SLC10A1: variants seen among roughly 807,000 people sequenced by gnomAD.
SLC10A1 encodes solute carrier family 10 member 1.
Under a neutral mutation model 20.5 loss-of-function variants are expected in SLC10A1, and 36 were observed. The observed-to-expected ratio is 1.75, with a 90% CI of 1.34 to 2.32. SLC10A1 has a LOEUF of 2.32. Ranked by LOEUF, SLC10A1 falls within the 30% of genes most tolerant of loss-of-function variation. The probability of loss-of-function intolerance (pLI) is 0.00; values close to 1 mark genes in which losing one functional copy is unlikely to be tolerated. For synonymous variants in SLC10A1, 188 were observed against 163.6 expected (o/e 1.15, Z -1.14); for missense variants, 545 against 439.1 (o/e 1.24, Z -2.16).
At position 69,775,487 on chromosome 14, in the gene SLC10A1, T is replaced by C. The variant is rs1229103432; in HGVS notation, c.*795A>G. The C allele has an allele frequency of 6.6e-6, 1 of 152,256 alleles. No individual in the cohort carries two copies. Among genetic ancestry groups the C allele is most frequent in the Non-Finnish European group, 1.5e-5 (1 of 68,042 alleles). The allele number at this position is 152,256 out of a possible 1,614,324, so 9.4% of individuals were successfully genotyped here. On this transcript the variant is annotated 3_prime_UTR_variant, in exon 5 of 5. Transcript: ENST00000216540. ...TGAATTCTAGGTATTTGAACATTTT[T>C]CTTTGAATTGGGAAACGACTCATTT... is the stretch of plus-strand genomic sequence containing the variant.
At chr14:69,788,093 C>T (rs575804257) in intron 1 of SLC10A1, among the ~76,000 whole-genome samples, 2 of 151,920 alleles carry the variant, frequency 1.3e-5, no homozygotes, top group South Asian at 4.2e-4. Flanking sequence ...GCTGAAGCTT[C>T]ATAGAGGGGT....
chr14:69,787,279 A>G (rs757102773), intron 1 of SLC10A1, among the ~76,000 whole-genome samples: 2 of 152,200 alleles, frequency 1.3e-5, no homozygotes, highest in Non-Finnish European at 2.9e-5. Context: ...GGAATCTTAT[A>G]TATGTTAGTC....
chr14:69,784,547 A>C (rs1184061040), intron 2 of SLC10A1, among the ~76,000 whole-genome samples: 1 of 151,994 alleles, frequency 6.6e-6, no homozygotes, highest in Non-Finnish European at 1.5e-5. Context: ...GAGGGGGACT[A>C]CTCCTAAAAC....
chr14:69,781,814 G>A (rs1198678511), intron 2 of SLC10A1, among the ~76,000 whole-genome samples: 1 of 152,192 alleles, frequency 6.6e-6, no homozygotes, highest in Non-Finnish European at 1.5e-5. Flanking sequence ...TTTAAAATGA[G>A]CATGCCTGAA....
intron 1 of SLC10A1, among the ~76,000 whole-genome samples, chr14:69,786,915 G>A (rs1457109662): frequency 6.6e-6 from 1 of 152,222 alleles, no homozygotes; most frequent in African/African-American, 2.4e-5. Flanking sequence ...TGGGAGTGAT[G>A]CTCAGGCAGA....
At position 69,775,988 on chromosome 14, in the gene SLC10A1, C is replaced by T. The variant is rs958266862; in HGVS notation, c.*294G>A. ...AATTGAGTGACTTTAAGATGCTTAT[C>T]AGACACTTTTAGAGATCCCAGCAAG... On this transcript the variant is annotated 3_prime_UTR_variant, in exon 5 of 5. Transcript: ENST00000216540. 2 of 356,328 alleles carry T rather than the reference C, an allele frequency of 5.6e-6. No individual in the cohort carries two copies. Among genetic ancestry groups the T allele is most frequent in the Non-Finnish European group, 5.1e-6 (1 of 195,794 alleles). The allele number at this position is 356,328 out of a possible 1,614,324, so 22.1% of individuals were successfully genotyped here.
rs1028009431 is a variant in SLC10A1, at chr14:69,778,621, A to G, written c.747-92T>C. The stretch of plus-strand genomic sequence containing the variant: ...CTGCTACCAAAGAGTTTCGCAGCAG[A>G]TGGAATCTAGACCCTGGACAGGGGT... On this transcript the variant is annotated intron_variant, in intron 3 of 4. Transcript: ENST00000216540. 12 of 1,118,898 alleles carry G rather than the reference A, an allele frequency of 1.1e-5. No homozygotes were observed. The African/African-American group carries it at 1.7e-4, about 16-fold the overall frequency. The allele number at this position is 1,118,898 out of a possible 1,614,324, so 69.3% of individuals were successfully genotyped here. A position where few individuals can be genotyped will look rare whatever the true frequency, so the allele number is the denominator to read the frequency against.
In SLC10A1 at chr14:69,786,142, G is replaced by C; in HGVS notation, c.522C>G (p.Ile174Met). Residue 174 changes from isoleucine (I) to methionine (M), a missense_variant, in exon 2 of 5, where the codon ATC becomes ATG. Ile to Met is a conservative substitution (Grantham distance 10). Transcript: ENST00000216540. ...VLVLIPCTIG[I>M]VLKSKRPQYM... Reference sequence around the variant, plus strand: ...ATTGTGGCCGTTTGGATTTGAGGACGATCCCTATGGTGCAAGGAATGAGAA... The same window carrying C: ...ATTGTGGCCGTTTGGATTTGAGGACCATCCCTATGGTGCAAGGAATGAGAA... The C allele has an allele frequency of 6.2e-7, 1 of 1,614,078 alleles. No individual in the cohort carries two copies. The highest frequency in any genetic ancestry group is 8.5e-7 in the Non-Finnish European group (1 of 1,180,022).
At chr14:69,795,517 A>G (rs923267425) in intron 1 of SLC10A1, among the ~76,000 whole-genome samples, 1 of 150,316 alleles carries the variant, frequency 6.7e-6, no homozygotes, top group Non-Finnish European at 1.5e-5. Context: ...AGATCCTCTC[A>G]TCTCAGCCTC....
Position 69,796,882 on chromosome 14 carries a change from C to G in SLC10A1, c.274G>C (p.Ala92Pro). The G allele has an allele frequency of 6.2e-7, 1 of 1,614,222 alleles. No homozygotes were observed. Among genetic ancestry groups the G allele is most frequent in the East Asian group, 2.2e-5 (1 of 44,882 alleles). Residue 92 changes from alanine (A) to proline (P), a missense_variant, in exon 1 of 5, where the codon GCC becomes CCC. Transcript: ENST00000216540. Reference protein sequence around the residue: ...VFRLKNIEALAILVCGCSPGG... With the variant: ...VFRLKNIEALPILVCGCSPGG... ...GGTGAGCAGCCACAGACCAAGATGG[C>G]CAGTGCCTCAATGTTCTTCAGCCGG...
intron 4 of SLC10A1, among the ~76,000 whole-genome samples, chr14:69,777,605 TAAA>T (rs58118049): frequency 0.038 from 3,428 of 89,058 alleles, 223 homozygotes; most frequent in South Asian, 0.056. Flanking sequence ...TTTTTTTTTT[TAAA>T]ATTGGTGTTA....
chr14:69,776,023 C>T lies in SLC10A1; in HGVS notation c.*259G>A, dbSNP rs142791477. 2.6e-4 allele frequency: 116 copies of T among 442,546 alleles called. No individual in the cohort carries two copies. Among genetic ancestry groups the T allele is most frequent in the African/African-American group, 1.8e-3 (89 of 49,798 alleles). The allele number at this position is 442,546 out of a possible 1,614,324, so 27.4% of individuals were successfully genotyped here. A position where few individuals can be genotyped will look rare whatever the true frequency, so the allele number is the denominator to read the frequency against. ...TAGAGATCCCAGCAAGAGGCAGATT[C>T]GGTTTCTGGTTTCATAGAGTTTACA... On this transcript the variant is annotated 3_prime_UTR_variant, in exon 5 of 5. Transcript: ENST00000216540.
intron 4 of SLC10A1, among the ~76,000 whole-genome samples, chr14:69,777,895 C>T (rs1185005767): frequency 6.7e-6 from 1 of 148,964 alleles, no homozygotes; most frequent in African/African-American, 2.5e-5. Context: ...ATATGTTTTT[C>T]CTCATACGGA....
At chr14:69,785,784 T>A (rs1056143520) in intron 2 of SLC10A1, among the ~76,000 whole-genome samples, 50 of 150,714 alleles carry the variant, frequency 3.3e-4, no homozygotes, top group Middle Eastern at 3.4e-3. Context: ...TTTTTTTGTA[T>A]TTTTAATGGA....
At chr14:69,791,786 C>T (rs1232482902) in intron 1 of SLC10A1, among the ~76,000 whole-genome samples, 1 of 152,170 alleles carries the variant, frequency 6.6e-6, no homozygotes, top group Non-Finnish European at 1.5e-5. Context: ...GAAAAATTCA[C>T]TCAACGTGGC....
Position 69,776,173 on chromosome 14 carries a change from T to TG in SLC10A1, c.*108dup, listed in dbSNP as rs1883440999. On this transcript the variant is annotated 3_prime_UTR_variant, in exon 5 of 5. Transcript: ENST00000216540. ...ATGATTCTGATAGATGTACTGGAAA[T>TG]GCTGGAGAAAGACTCAGGCAAGACT... is the stretch of plus-strand genomic sequence containing the variant. The TG allele has an allele frequency of 1.3e-6, 1 of 757,560 alleles. No homozygotes were observed. The highest frequency in any genetic ancestry group is 2.3e-5 in the Admixed American group (1 of 43,304). 46.9% of individuals were successfully genotyped at this position (757,560 alleles called of 1,614,324 possible).
At chr14:69,778,920 T>G (rs1045839005) in intron 3 of SLC10A1, among the ~76,000 whole-genome samples, 1 of 152,134 alleles carries the variant, frequency 6.6e-6, no homozygotes, top group Non-Finnish European at 1.5e-5. Context: ...ATCCTAGCAC[T>G]TTGGAAGGCT....
At chr14:69,795,910 G>T (rs1486633488) in intron 1 of SLC10A1, among the ~76,000 whole-genome samples, 3 of 152,310 alleles carry the variant, frequency 2.0e-5, no homozygotes, top group African/African-American at 7.2e-5. Flanking sequence ...AACCAGGGGG[G>T]ACTGGCTTGA....
chr14:69,781,065 C>T (rs3784153), intron 2 of SLC10A1, among the ~76,000 whole-genome samples: 47 of 152,088 alleles, frequency 3.1e-4, no homozygotes, highest in African/African-American at 1.1e-3. Flanking sequence ...GGGAAAGCTG[C>T]CTCTGCTAGT....
Sources: allele counts gnomAD v4.1 joint callset (sites outside exome capture counted in the v4.1 genomes callset), GRCh38; gene constraint gnomAD v4.1.1; transcripts MANE v1.5; gene names NCBI Gene and HGNC (gene_info 2026-07-23, HGNC 2026-07-21).